The following POT1 variants were observed in gnomAD, a reference collection of about 807,000 sequenced individuals.
POT1 encodes protection of telomeres protein 1.
A neutral mutation model predicts 78.5 loss-of-function variants in POT1; 47 were observed. That is an observed-to-expected ratio of 0.60 (90% CI 0.47 to 0.76). The LOEUF is 0.76. Among genes scored for constraint, POT1 ranks in the 30% least tolerant of loss-of-function variants. The pLI, the probability that POT1 is intolerant of heterozygous loss-of-function variation, is 0.00. For missense variants in POT1, 646 were observed against 749.9 expected (o/e 0.86, Z 1.62); for synonymous variants, 259 against 260.7 (o/e 0.99, Z 0.06).
At chr7:124,824,827 G>C (rs989488839) in intron 18 of POT1, among the ~76,000 whole-genome samples, 1 of 151,366 alleles carries the variant, frequency 6.6e-6, no homozygotes, top group Admixed American at 6.6e-5. Context: ...CAAAAAATTG[G>C]TAAAACAAAA....
At chr7:124,825,174 A>G (rs753469854) in intron 18 of POT1, 78 bp downstream of exon 18, 73 of 857,120 alleles carry the variant, frequency 8.5e-5, no homozygotes, top group Non-Finnish European at 1.2e-4. Flanking sequence ...TCAGACTTCT[A>G]AAAGTCCACA....
At chr7:124,840,889 T>A (rs547778215) in intron 14 of POT1, 84 bp downstream of exon 14, 2 of 1,097,806 alleles carry the variant, frequency 1.8e-6, no homozygotes, top group Non-Finnish European at 2.7e-6. Flanking sequence ...TACTAGGTTG[T>A]CTGTAAAATG....
At chr7:124,839,269 C>G (rs1376578548) in intron 14 of POT1, among the ~76,000 whole-genome samples, 1 of 152,110 alleles carries the variant, frequency 6.6e-6, no homozygotes, top group South Asian at 2.1e-4. Flanking sequence ...GATCTTAGAG[C>G]TTTTACAGAA....
At chr7:124,921,163 A>G (rs1043017693) in intron 2 of POT1, among the ~76,000 whole-genome samples, 3 of 152,142 alleles carry the variant, frequency 2.0e-5, no homozygotes, top group African/African-American at 7.2e-5. Context: ...AAGAACAAAA[A>G]TAAAATAAGA....
chr7:124,928,477 T>C (rs1285813632), intron 2 of POT1, among the ~76,000 whole-genome samples: 1 of 152,198 alleles, frequency 6.6e-6, no homozygotes, highest in Non-Finnish European at 1.5e-5. Context: ...AGCTCTCTCA[T>C]GTTCACACAT....
At chr7:124,889,080 T>C (rs1796309738) in intron 6 of POT1, among the ~76,000 whole-genome samples, 1 of 151,966 alleles carries the variant, frequency 6.6e-6, no homozygotes, top group African/African-American at 2.4e-5. Context: ...CACTGAAAAC[T>C]AGGACTCTTG....
intron 3 of POT1, among the ~76,000 whole-genome samples, chr7:124,899,084 T>A (rs1273714686): frequency 5.3e-5 from 8 of 152,278 alleles, no homozygotes; most frequent in Admixed American, 5.2e-4. Context: ...CCTTCAATAA[T>A]TTAAAACTCT....
chr7:124,853,865 C>T (rs1191821441), intron 9 of POT1, among the ~76,000 whole-genome samples: 2 of 151,944 alleles, frequency 1.3e-5, no homozygotes, highest in Non-Finnish European at 2.9e-5. Context: ...GAGAGAGATG[C>T]AGAATGCTAT....
rs1305096580 is a variant in POT1 at position 124,928,845 on chromosome 7, T to C, written c.-257A>G. 2 of 152,636 alleles carry C rather than the reference T, an allele frequency of 1.3e-5. No homozygotes were observed. The highest frequency in any genetic ancestry group is 2.9e-5 in the Non-Finnish European group (2 of 68,038). 9.5% of individuals were successfully genotyped at this position (152,636 alleles called of 1,614,324 possible). On this transcript the variant is annotated 5_prime_UTR_variant, in exon 2 of 19. Transcript: ENST00000357628. Reference sequence around the variant, plus strand: ...TATATTTCTTGCTATAATTGTAACCTGGCTGTAGGGATCCGAAATCTACTT... The same window carrying C: ...TATATTTCTTGCTATAATTGTAACCCGGCTGTAGGGATCCGAAATCTACTT...
At chr7:124,829,737 T>C (rs1000891433) in intron 15 of POT1, among the ~76,000 whole-genome samples, 23 of 151,982 alleles carry the variant, frequency 1.5e-4, no homozygotes, top group African/African-American at 4.8e-4. Context: ...TATATATATA[T>C]ATTTTTTAAG....
chr7:124,866,948 T>C (rs1226997893), intron 7 of POT1, among the ~76,000 whole-genome samples: 2 of 152,220 alleles, frequency 1.3e-5, no homozygotes, highest in Non-Finnish European at 2.9e-5. Flanking sequence ...ATGTATATGC[T>C]GCTTCTCTTT....
intron 12 of POT1, 71 bp downstream of exon 12, chr7:124,846,871 C>T (rs1795180679): frequency 9.6e-7 from 1 of 1,044,780 alleles, no homozygotes; most frequent in South Asian, 1.4e-5. Flanking sequence ...AATGGATTAG[C>T]TGGTAAGTGT....
rs200074955 is a variant in POT1 at position 124,858,927 on chromosome 7, A to G, written c.702+30T>C. On this transcript the variant is annotated intron_variant, in intron 9 of 18. Transcript: ENST00000357628. ...AAATCACTATAATTTATAAAAACAT[A>G]AAATAACATTTTTTCCTACTATACA... is the stretch of plus-strand genomic sequence containing the variant. 2.4e-4 allele frequency: 374 copies of G among 1,530,866 alleles called. No homozygotes were observed. The African/African-American group carries it at 2.8e-3, about 12-fold the overall frequency. The allele number at this position is 1,530,866 out of a possible 1,614,324, so 94.8% of individuals were successfully genotyped here.
chr7:124,870,778 T>G, intron 7 of POT1, 133 bp downstream of exon 7: 1 of 592,990 alleles, frequency 1.7e-6, no homozygotes, highest in East Asian at 3.6e-5. Context: ...AATATTTACA[T>G]TACTTCTTAT....
At chr7:124,859,765 C>T (rs111538628) in intron 8 of POT1, among the ~76,000 whole-genome samples, 1,817 of 147,932 alleles carry the variant, frequency 0.012, 45 homozygotes, top group African/African-American at 0.041. Flanking sequence ...AAGATAAGGC[C>T]GCACCAATAC....
intron 3 of POT1, among the ~76,000 whole-genome samples, chr7:124,913,901 C>T (rs181782082): frequency 6.6e-6 from 1 of 151,822 alleles, no homozygotes; most frequent in Non-Finnish European, 1.5e-5. Flanking sequence ...TTTGGGAGGC[C>T]GAGGTGGGTG....
chr7:124,881,590 A>G (rs1333737538), intron 6 of POT1, among the ~76,000 whole-genome samples: 2 of 152,014 alleles, frequency 1.3e-5, no homozygotes, highest in East Asian at 3.8e-4. Context: ...TTGTTTTAAC[A>G]AATAGTAACA....
chr7:124,847,716 T>C (rs1292935090), intron 11 of POT1, among the ~76,000 whole-genome samples: 1 of 152,166 alleles, frequency 6.6e-6, no homozygotes, highest in Non-Finnish European at 1.5e-5. Context: ...ATCAACTGAA[T>C]TAAATTAAAT....
chr7:124,894,972 A>G (rs886150922), intron 5 of POT1, among the ~76,000 whole-genome samples: 1 of 151,666 alleles, frequency 6.6e-6, no homozygotes, highest in Non-Finnish European at 1.5e-5. Context: ...CACATGGCTA[A>G]TATCTAAAGC....
Sources: gnomAD v4.1 joint callset for allele counts (sites outside exome capture counted in the v4.1 genomes callset) on GRCh38, gnomAD v4.1.1 for gene constraint, MANE v1.5 for transcripts, NCBI Gene and HGNC (gene_info 2026-07-23, HGNC 2026-07-21) for gene names.